The following TRPM1 variants were observed in gnomAD, a reference collection of about 807,000 sequenced individuals.
The protein encoded by TRPM1 is TRPM1-203 APA Isoform, Intron 10.
A neutral mutation model predicts 149.4 loss-of-function variants in TRPM1; 113 were observed. The ratio of observed to expected loss-of-function variants is 0.76; its 90% CI spans 0.65 to 0.88. The LOEUF is 0.88. Ranked by LOEUF, TRPM1 falls within the 40% of genes least tolerant of loss-of-function variation. The probability of loss-of-function intolerance (pLI) is 0.00; values close to 1 mark genes in which losing one functional copy is unlikely to be tolerated. For missense variants in TRPM1, 1,976 were observed against 2,038.7 expected, an observed-to-expected ratio of 0.97 and a Z score of 0.59; for synonymous variants, 741 against 759.5, an observed-to-expected ratio of 0.98 and a Z score of 0.40.
At chr15:31,104,299 G>T (rs1323420250), upstream of TRPM1, among the ~76,000 whole-genome samples, 1 of 152,158 alleles carries the variant, frequency 6.6e-6, no homozygotes, top group Non-Finnish European at 1.5e-5. Flanking sequence ...TGAGGTCATG[G>T]GAGATCCCCA....
At chr15:31,110,294 G>C (rs927786294) in intron 1 of TRPM1, among the ~76,000 whole-genome samples, 1 of 152,090 alleles carries the variant, frequency 6.6e-6, no homozygotes, top group Non-Finnish European at 1.5e-5. Context: ...GAAGGCTAGA[G>C]AATAATTTAA....
chr15:31,039,620 A>G (rs542027666), intron 18 of TRPM1, among the ~76,000 whole-genome samples: 2 of 152,306 alleles, frequency 1.3e-5, no homozygotes, highest in Admixed American at 6.5e-5. Flanking sequence ...TTCCCCCACT[A>G]TATCTTTTTC....
At chr15:31,154,657 A>C (rs1170686685) in intron 1 of TRPM1, among the ~76,000 whole-genome samples, 2 of 152,202 alleles carry the variant, frequency 1.3e-5, no homozygotes, top group Admixed American at 1.3e-4. Flanking sequence ...TGTAGGACTA[A>C]CATTAGCCAC....
Position 31,084,736 on chromosome 15 carries a change from C to T in TRPM1, c.-83-3298G>A, listed in dbSNP as rs112145469. Among the ~76,000 whole-genome samples the T allele has an allele frequency of 4.5e-3, 663 of 148,112 alleles. 6 individuals carry two copies. Among genetic ancestry groups the T allele is most frequent in the Non-Finnish European group, 3.8e-3 (259 of 67,296 alleles). ...TCGCCTAGGCTGGAGTGCAGTGGCG[C>T]GATCTTGGCTCACTGCAAACTCCAC... On this transcript the variant is annotated intron_variant, in intron 1 of 27. Transcript: ENST00000256552.
chr15:31,110,063 A>G (rs78855933), intron 1 of TRPM1, among the ~76,000 whole-genome samples: 3,662 of 152,302 alleles, frequency 0.024, 152 homozygotes, highest in African/African-American at 0.084. Context: ...TCAAAAAATT[A>G]TATTGCTCCT....
At chr15:31,057,059 G>A (rs1269677856) in intron 11 of TRPM1, among the ~76,000 whole-genome samples, 1 of 152,228 alleles carries the variant, frequency 6.6e-6, no homozygotes, top group Non-Finnish European at 1.5e-5. Context: ...CAGTCTCAGA[G>A]TGCAACGAAG....
At chr15:31,113,498 GTGAC>G (rs1331287472) in intron 1 of TRPM1, among the ~76,000 whole-genome samples, 5 of 151,894 alleles carry the variant, frequency 3.3e-5, no homozygotes, top group South Asian at 2.1e-4. Context: ...CTTAAAGACA[GTGAC>G]TGAGAATTTT....
intron 11 of TRPM1, among the ~76,000 whole-genome samples, chr15:31,054,470 T>C (rs2034032057): frequency 6.6e-6 from 1 of 152,072 alleles, no homozygotes; most frequent in Admixed American, 6.5e-5. Flanking sequence ...AATTTTTGTA[T>C]TTTTAGTAGA....
intron 1 of TRPM1, among the ~76,000 whole-genome samples, chr15:31,136,842 A>G (rs1409656633): frequency 1.3e-5 from 2 of 149,430 alleles, no homozygotes; most frequent in Admixed American, 6.8e-5. Context: ...GCCCAATTCT[A>G]GAATTGCAAA....
At chr15:31,160,896 G>A (rs2036435859) in intron 1 of TRPM1, 7 of 1,535,498 alleles carry the variant, frequency 4.6e-6, no homozygotes, top group Non-Finnish European at 6.1e-6. Flanking sequence ...CACTGGCAAA[G>A]CTCACTCACC....
intron 1 of TRPM1, among the ~76,000 whole-genome samples, chr15:31,147,362 C>T (rs1040081193): frequency 6.6e-6 from 1 of 152,238 alleles, no homozygotes; most frequent in Admixed American, 6.5e-5. Context: ...AGATTGTGCT[C>T]ACTTTTCAGT....
At chr15:31,089,314 T>G (rs1181189497) in intron 1 of TRPM1, among the ~76,000 whole-genome samples, 1 of 146,662 alleles carries the variant, frequency 6.8e-6, no homozygotes, top group Non-Finnish European at 1.5e-5. Flanking sequence ...ATAGTTATGT[T>G]TTTTTGGTTG....
At position 31,047,074 on chromosome 15, in the gene TRPM1, G is replaced by C. The variant is rs752023988; in HGVS notation, c.1764+37C>G. ...GCAAGCGAGGAACCACATGGTACTCGCGAACCACAGAACACTACACAGGCA... is the reference window on the plus strand; with the variant it reads ...GCAAGCGAGGAACCACATGGTACTCCCGAACCACAGAACACTACACAGGCA... On this transcript the variant is annotated intron_variant, in intron 15 of 27. Coordinates refer to ENST00000256552, the MANE Select transcript of TRPM1 (RefSeq NM_001252024.2). 1.6e-5 allele frequency: 26 copies of C among 1,613,982 alleles called. No individual in the cohort carries two copies. In the South Asian group the frequency reaches 2.6e-4, roughly 16 times the overall value.
rs375583190 is a variant in TRPM1 at position 31,050,600 on chromosome 15, C to T, written c.1264-18G>A. 1 of 1,613,988 alleles carries T rather than the reference C, an allele frequency of 6.2e-7. No individual in the cohort carries two copies. Among genetic ancestry groups the T allele is most frequent in the Admixed American group, 1.7e-5 (1 of 60,018 alleles). ...CCCAGGGGCTGCAGTCCACAGCAATCAGAGTTGGGAAATGGTACTAAGGCT... is the reference window on the plus strand; with the variant it reads ...CCCAGGGGCTGCAGTCCACAGCAATTAGAGTTGGGAAATGGTACTAAGGCT... On this transcript the variant is annotated intron_variant, in intron 11 of 27. Coordinates refer to ENST00000256552, the MANE Select transcript of TRPM1 (RefSeq NM_001252024.2).
chr15:31,116,197 G>A (rs1483179758), intron 1 of TRPM1, among the ~76,000 whole-genome samples: 1 of 152,172 alleles, frequency 6.6e-6, no homozygotes, highest in Non-Finnish European at 1.5e-5. Context: ...AGTGTTGGAA[G>A]GGAAATACCA....
chr15:31,113,527 A>C lies in TRPM1; in HGVS notation c.55-36543T>G, dbSNP rs569556783. 3.9e-5 allele frequency among the ~76,000 whole-genome samples: 6 copies of C among 152,120 alleles called. No individual in the cohort carries two copies. In the East Asian group the frequency reaches 9.6e-4, roughly 24 times the overall value. On this transcript the variant is annotated intron_variant, in intron 1 of 26. Transcript: ENST00000542188. ...CTGAGAATTTTCCAAACTGTCAAAA[A>C]ACATTTTTCTTTGTACTCCTAAAAT... is the stretch of plus-strand genomic sequence containing the variant.
chr15:31,086,876 C>T (rs1250445547), intron 1 of TRPM1, among the ~76,000 whole-genome samples: 1 of 152,094 alleles, frequency 6.6e-6, no homozygotes, highest in Non-Finnish European at 1.5e-5. Context: ...TACCTTACAA[C>T]CCAATAACAG....
chr15:31,021,108 A>G (rs1157473972), intron 27 of TRPM1, among the ~76,000 whole-genome samples: 1 of 152,060 alleles, frequency 6.6e-6, no homozygotes, highest in African/African-American at 2.4e-5. Context: ...TCTCCTTCCT[A>G]TTATCCAAGC....
chr15:31,155,344 C>A (rs1437758669), intron 1 of TRPM1, among the ~76,000 whole-genome samples: 1 of 152,164 alleles, frequency 6.6e-6, no homozygotes, highest in East Asian at 1.9e-4. Context: ...GTGAAGGAGG[C>A]TCCTGCCTGC....
Sources: allele counts gnomAD v4.1 joint callset (sites outside exome capture counted in the v4.1 genomes callset), GRCh38; gene constraint gnomAD v4.1.1; transcripts MANE v1.5; gene names NCBI Gene and HGNC (gene_info 2026-07-23, HGNC 2026-07-21).